Variants in CAMK1D observed in about 807,000 individuals in gnomAD.
CAMK1D encodes the protein calcium/calmodulin-dependent protein kinase type 1D.
A neutral mutation model predicts 47.7 loss-of-function variants in CAMK1D; 9 were observed. The observed-to-expected ratio is 0.19, with a 90% CI of 0.11 to 0.33. The LOEUF is 0.33. Ranked by LOEUF, CAMK1D falls within the 10% of genes least tolerant of loss-of-function variation. The pLI is 1.00. For synonymous variants in CAMK1D, 184 were observed against 184.9 expected (o/e 0.99, Z 0.04); for missense variants, 291 against 488.7 (o/e 0.60, Z 3.81).
intron 4 of CAMK1D, among the ~76,000 whole-genome samples, chr10:12,765,868 G>A (rs1836731063): frequency 6.6e-6 from 1 of 151,832 alleles, no homozygotes; most frequent in Non-Finnish European, 1.5e-5. Flanking sequence ...GTTGGACCAG[G>A]TGTGCCATTT....
chr10:12,554,459 T>C lies in CAMK1D; in HGVS notation c.224+1103T>C, dbSNP rs1387062044. The stretch of plus-strand genomic sequence containing the variant: ...CATGAGCCACTGCGCCTGGCCAAGA[T>C]TTTCATTTATTTCTATTACACATGG... On this transcript the variant is annotated intron_variant, in intron 2 of 10. Transcript: ENST00000619168. Among the ~76,000 whole-genome samples the C allele has an allele frequency of 1.5e-5, 2 of 129,532 alleles. 1 individual carries two copies. Among genetic ancestry groups the C allele is most frequent in the Non-Finnish European group, 3.6e-5 (2 of 55,388 alleles). The allele number at this position is 129,532 out of a possible 152,430, so 85.0% of individuals were successfully genotyped here.
intron 1 of CAMK1D, among the ~76,000 whole-genome samples, chr10:12,522,974 AT>A (rs1835481702): frequency 2.3e-5 from 3 of 129,920 alleles, no homozygotes; most frequent in African/African-American, 8.8e-5. Context: ...GCTGATCCCC[AT>A]CTCCCTCCCA....
chr10:12,598,893 G>A (rs186429862), intron 2 of CAMK1D, among the ~76,000 whole-genome samples: 2 of 152,284 alleles, frequency 1.3e-5, no homozygotes, highest in East Asian at 3.9e-4. Flanking sequence ...AAAATATCTC[G>A]ATGTGTGTGA....
At chr10:12,780,081 A>G (rs1837426812) in intron 5 of CAMK1D, among the ~76,000 whole-genome samples, 1 of 152,074 alleles carries the variant, frequency 6.6e-6, no homozygotes, top group Non-Finnish European at 1.5e-5. Flanking sequence ...CTAAAAGGAG[A>G]TGGAGAACAG....
At chr10:12,771,627 G>C (rs1000338422) in intron 5 of CAMK1D, among the ~76,000 whole-genome samples, 1 of 152,218 alleles carries the variant, frequency 6.6e-6, no homozygotes, top group African/African-American at 2.4e-5. Context: ...ATGCAGGGGT[G>C]GAAACGTGGC....
At chr10:12,432,410 A>G (rs1832505392) in intron 1 of CAMK1D, among the ~76,000 whole-genome samples, 1 of 152,236 alleles carries the variant, frequency 6.6e-6, no homozygotes, top group African/African-American at 2.4e-5. Context: ...CTTTCCCACC[A>G]AAGTGGGAAT....
At chr10:12,507,250 A>T (rs904102300) in intron 1 of CAMK1D, among the ~76,000 whole-genome samples, 7 of 152,202 alleles carry the variant, frequency 4.6e-5, no homozygotes, top group Admixed American at 4.6e-4. Context: ...GGAGAAACAC[A>T]AAGAGGCTAA....
intron 1 of CAMK1D, among the ~76,000 whole-genome samples, chr10:12,360,140 T>A (rs1006730419): frequency 6.6e-6 from 1 of 152,194 alleles, no homozygotes; most frequent in Admixed American, 6.6e-5. Context: ...AGTCAGTATT[T>A]CTAGTTGTTG....
chr10:12,754,445 C>G (rs1047176070), intron 3 of CAMK1D, among the ~76,000 whole-genome samples: 9 of 152,182 alleles, frequency 5.9e-5, no homozygotes, highest in African/African-American at 2.2e-4. Flanking sequence ...AGAAACAAAG[C>G]ACAATAAAGT....
At chr10:12,605,317 T>C (rs1430390636) in intron 2 of CAMK1D, among the ~76,000 whole-genome samples, 1 of 143,766 alleles carries the variant, frequency 7.0e-6, no homozygotes, top group Non-Finnish European at 1.5e-5. Context: ...TATAGTGTGA[T>C]GGTGGATAGA....
chr10:12,769,724 A>G lies in CAMK1D; in HGVS notation c.490A>G (p.Ser164Gly). 1 of 1,614,108 alleles carries G rather than the reference A, an allele frequency of 6.2e-7. No homozygotes were observed. Among genetic ancestry groups the G allele is most frequent in the Non-Finnish European group, 8.5e-7 (1 of 1,179,916 alleles). The change falls in exon 5 of 11, where the codon AGT (serine) becomes GGT (glycine). Residue 164 changes from serine (S) to glycine (G), a missense_variant. By Grantham distance (56) the Ser-to-Gly change is moderately conservative. Coordinates refer to ENST00000619168, the MANE Select transcript of CAMK1D (RefSeq NM_153498.4). The stretch of plus-strand genomic sequence containing the variant: ...AGATGAGGAGTCCAAAATAATGATC[A>G]GTGACTTTGGATTGTCAAAAATGGA... ...SQDEESKIMI[S>G]DFGLSKMEGK...
intron 1 of CAMK1D, among the ~76,000 whole-genome samples, chr10:12,355,274 G>A (rs1310276347): frequency 6.6e-6 from 1 of 152,128 alleles, no homozygotes; most frequent in Non-Finnish European, 1.5e-5. Flanking sequence ...GCTGCTTTAG[G>A]AAGACTATAA....
chr10:12,651,801 C>T (rs1351589366), intron 2 of CAMK1D, among the ~76,000 whole-genome samples: 3 of 148,910 alleles, frequency 2.0e-5, no homozygotes, highest in Admixed American at 6.7e-5. Flanking sequence ...TTTTTTGAGA[C>T]GGAGTCCCGT....
At chr10:12,367,154 G>C (rs1837861024) in intron 1 of CAMK1D, among the ~76,000 whole-genome samples, 1 of 152,142 alleles carries the variant, frequency 6.6e-6, no homozygotes, top group Non-Finnish European at 1.5e-5. Flanking sequence ...TCCAAGTGTG[G>C]CTGACTCTCC....
intron 3 of CAMK1D, among the ~76,000 whole-genome samples, chr10:12,755,857 G>A (rs1836204163): frequency 6.6e-6 from 1 of 152,016 alleles, no homozygotes; most frequent in South Asian, 2.1e-4. Context: ...TTCCCCTTAG[G>A]ACTAAACATA....
At chr10:12,752,584 C>T (rs4393220) in intron 3 of CAMK1D, among the ~76,000 whole-genome samples, 22,849 of 152,012 alleles carry the variant, frequency 0.15, 1,843 homozygotes, top group African/African-American at 0.17. Context: ...CCCTTAAATT[C>T]GTCCAAATAA....
At chr10:12,714,139 G>A (rs1245044841) in intron 3 of CAMK1D, among the ~76,000 whole-genome samples, 1 of 152,146 alleles carries the variant, frequency 6.6e-6, no homozygotes, top group Non-Finnish European at 1.5e-5. Flanking sequence ...CCTGTGGAGG[G>A]GCTGCTGACT....
rs1840445804 is a variant in CAMK1D at position 12,666,802 on chromosome 10, C to T, written c.291C>T (p.Val97=). ...IYESPNHLYL[V]MQLVSGGELF... is the part of the protein sequence containing the mutation. ...AAAGCCCAAATCACCTGTACTTGGTCATGCAGCTGTAAGTACCTTGTTTGA... is the reference window on the plus strand; with the variant it reads ...AAAGCCCAAATCACCTGTACTTGGTTATGCAGCTGTAAGTACCTTGTTTGA... Residue 97 remains valine, a synonymous_variant, in exon 3 of 11, where the codon GTC becomes GTT. Transcript: ENST00000619168. The T allele has an allele frequency of 6.2e-7, 1 of 1,612,358 alleles. No individual in the cohort carries two copies.
chr10:12,451,193 C>T (rs555493064), intron 1 of CAMK1D, among the ~76,000 whole-genome samples: 71 of 152,262 alleles, frequency 4.7e-4, no homozygotes, highest in African/African-American at 1.7e-3. Flanking sequence ...AAAGGGCTTC[C>T]TCACTCTCAA....
Sources: allele counts gnomAD v4.1 joint callset (sites outside exome capture counted in the v4.1 genomes callset), GRCh38; gene constraint gnomAD v4.1.1; transcripts MANE v1.5; gene names NCBI Gene and HGNC (gene_info 2026-07-23, HGNC 2026-07-21).